GABRG2: variants seen among roughly 807,000 people sequenced by gnomAD.
GABRG2 encodes the protein gamma-aminobutyric acid type A receptor subunit gamma2, also known as gamma-aminobutyric acid receptor subunit gamma-2.
In GABRG2, 16 loss-of-function variants were observed where a neutral mutation model predicts 56.4. That is an observed-to-expected ratio of 0.28 (90% CI 0.19 to 0.43). The LOEUF is 0.43. Ranked by LOEUF, GABRG2 falls within the 20% of genes least tolerant of loss-of-function variation. GABRG2 has a pLI of 1.00. For synonymous variants in GABRG2, 208 were observed against 205.5 expected (o/e 1.01, Z -0.10); for missense variants, 327 against 582.7 (o/e 0.56, Z 4.52).
intron 9 of GABRG2, 88 bp from the exon 10 acceptor site, chr5:162,153,005 T>C: frequency 6.7e-7 from 1 of 1,482,176 alleles, no homozygotes; most frequent in Non-Finnish European, 9.4e-7. Context: ...TTCAGATTCA[T>C]CATCACATTG....
intron 6 of GABRG2, among the ~76,000 whole-genome samples, chr5:162,130,708 A>T (rs868460661): frequency 1.3e-5 from 2 of 152,030 alleles, no homozygotes; most frequent in Non-Finnish European, 2.9e-5. Context: ...TAGTATTCAA[A>T]TATCATCTTG....
chr5:162,081,283 G>T (rs1283738732), intron 1 of GABRG2, among the ~76,000 whole-genome samples: 2 of 151,854 alleles, frequency 1.3e-5, no homozygotes, highest in African/African-American at 4.8e-5. Flanking sequence ...ATATCTAATG[G>T]CAGAGAATAT....
intron 3 of GABRG2, 39 bp downstream of exon 3, chr5:162,095,601 C>T (rs1358499706): frequency 2.9e-6 from 4 of 1,398,308 alleles, no homozygotes; most frequent in Non-Finnish European, 3.0e-6. Context: ...GTTTTATTAG[C>T]ATGTTTGAGA....
In GABRG2 at chr5:162,093,595, A is replaced by C. The variant is rs759712581; in HGVS notation, c.108-233A>C. 7.4e-4 allele frequency among the ~76,000 whole-genome samples: 113 copies of C among 152,282 alleles called. 1 individual carries two copies. The Middle Eastern group carries it at 0.01, about 14-fold the overall frequency. The stretch of plus-strand genomic sequence containing the variant: ...TGGGAAAAGTAAAAATAACTGGCAA[A>C]ACATGGTTTATTTGTCCATGGGAGG... On this transcript the variant is annotated intron_variant, in intron 1 of 9. Transcript: ENST00000639213.
intron 6 of GABRG2, among the ~76,000 whole-genome samples, chr5:162,136,607 G>A (rs553371391): frequency 6.6e-6 from 1 of 152,058 alleles, no homozygotes; most frequent in South Asian, 2.1e-4. Context: ...ATAGAGGCAA[G>A]AAATAAAAAC....
chr5:162,069,187 C>T (rs1188408569), intron 1 of GABRG2, among the ~76,000 whole-genome samples: 1 of 152,154 alleles, frequency 6.6e-6, no homozygotes, highest in African/African-American at 2.4e-5. Context: ...ATTCGTCTAC[C>T]TACCTAAGCA....
At chr5:162,102,966 C>G (rs1029377691) in intron 5 of GABRG2, 2 of 153,958 alleles carry the variant, frequency 1.3e-5, no homozygotes, top group Non-Finnish European at 2.9e-5. Flanking sequence ...CTTTACATGG[C>G]ATTATTATTT....
chr5:162,139,407 G>A (rs976698847), intron 6 of GABRG2, among the ~76,000 whole-genome samples: 2 of 152,202 alleles, frequency 1.3e-5, no homozygotes, highest in Non-Finnish European at 2.9e-5. Context: ...TATGACAGGT[G>A]TCAGGCTGTC....
intron 6 of GABRG2, among the ~76,000 whole-genome samples, chr5:162,120,108 T>A (rs922731921): frequency 6.6e-6 from 1 of 152,128 alleles, no homozygotes; most frequent in African/African-American, 2.4e-5. Context: ...TGCTGAAACC[T>A]CAGACAGTGG....
intron 6 of GABRG2, chr5:162,128,342 A>C (rs1417826979): frequency 2.0e-5 from 3 of 152,032 alleles, no homozygotes; most frequent in African/African-American, 7.2e-5. Context: ...TGCTGGAGGC[A>C]GAGAGACACT....
intron 8 of GABRG2, 28 bp from the exon 9 acceptor site, chr5:162,151,702 A>G: frequency 6.3e-7 from 1 of 1,590,432 alleles, no homozygotes; most frequent in Non-Finnish European, 8.6e-7. Context: ...AACAAATGCA[A>G]TTCTCTTTTC....
At chr5:162,114,468 C>T (rs985972073) in intron 6 of GABRG2, among the ~76,000 whole-genome samples, 8 of 151,868 alleles carry the variant, frequency 5.3e-5, no homozygotes, top group African/African-American at 1.7e-4. Context: ...ACCCAGGAGG[C>T]AGAGGTTGTG....
intron 6 of GABRG2, among the ~76,000 whole-genome samples, chr5:162,119,981 G>T (rs1236250865): frequency 6.6e-6 from 1 of 152,098 alleles, no homozygotes; most frequent in African/African-American, 2.4e-5. Context: ...TGGAATGATC[G>T]CCCCCATGCT....
chr5:162,091,751 G>C (rs1760610380), intron 1 of GABRG2, among the ~76,000 whole-genome samples: 1 of 152,006 alleles, frequency 6.6e-6, no homozygotes, highest in Non-Finnish European at 1.5e-5. Context: ...TTCCCTCCTG[G>C]TCTGCCAGAT....
At chr5:162,132,669 C>T (rs1207687544) in intron 6 of GABRG2, among the ~76,000 whole-genome samples, 1 of 152,012 alleles carries the variant, frequency 6.6e-6, no homozygotes, top group African/African-American at 2.4e-5. Context: ...TCTATTAAAG[C>T]TAATTTTCTC....
chr5:162,101,676 G>A, intron 5 of GABRG2: 1 of 273,780 alleles, frequency 3.7e-6, no homozygotes, highest in South Asian at 4.0e-5. Flanking sequence ...TCTCCTATGG[G>A]CCTAGGAAGG....
At position 162,072,656 on chromosome 5, in the gene GABRG2, G is replaced by A. The variant is rs546994887; in HGVS notation, c.107+4550G>A. ...ATAATATCAATTTTATGCGCTGCTTGTGTCATGTTATACATACACACTGAA... is the reference window on the plus strand; with the variant it reads ...ATAATATCAATTTTATGCGCTGCTTATGTCATGTTATACATACACACTGAA... On this transcript the variant is annotated intron_variant, in intron 1 of 9. Coordinates refer to ENST00000639213, the MANE Select transcript of GABRG2 (RefSeq NM_198904.4). Among the ~76,000 whole-genome samples, 193 of 152,074 alleles carry A rather than the reference G, an allele frequency of 1.3e-3. 1 individual carries two copies. The highest frequency in any genetic ancestry group is 4.2e-3 in the African/African-American group (176 of 41,552).
At chr5:162,090,228 TA>T (rs753576163) in intron 1 of GABRG2, among the ~76,000 whole-genome samples, 4 of 151,772 alleles carry the variant, frequency 2.6e-5, no homozygotes, top group South Asian at 2.1e-4. Flanking sequence ...AATTTTTATT[TA>T]AAAAAAACCC....
At chr5:162,120,232 G>A (rs541983689) in intron 6 of GABRG2, among the ~76,000 whole-genome samples, 1 of 152,138 alleles carries the variant, frequency 6.6e-6, no homozygotes, top group South Asian at 2.1e-4. Context: ...GAAGTACCAG[G>A]CACAACCTTT....
Sources: gnomAD v4.1 joint callset for allele counts (sites outside exome capture counted in the v4.1 genomes callset) on GRCh38, gnomAD v4.1.1 for gene constraint, MANE v1.5 for transcripts, NCBI Gene and HGNC (gene_info 2026-07-23, HGNC 2026-07-21) for gene names.